Variants in PRKCE observed in about 807,000 individuals in gnomAD.
PRKCE encodes the protein protein kinase C epsilon.
In PRKCE, 16 loss-of-function variants were observed where a neutral mutation model predicts 85.4. That is an observed-to-expected ratio of 0.19 (90% CI 0.13 to 0.28). PRKCE has a LOEUF of 0.28. Among genes scored for constraint, PRKCE ranks in the 10% least tolerant of loss-of-function variants. The probability of loss-of-function intolerance (pLI) is 1.00; values close to 1 mark genes in which losing one functional copy is unlikely to be tolerated. For synonymous variants in PRKCE, 388 were observed against 371.5 expected (o/e 1.04, Z -0.51); for missense variants, 573 against 975.2 (o/e 0.59, Z 5.49).
intron 11 of PRKCE, among the ~76,000 whole-genome samples, chr2:46,108,575 C>A (rs7601378): frequency 0.71 from 107,465 of 152,090 alleles, 38,488 homozygotes; most frequent in East Asian, 0.94. Context: ...CCAGTGATGG[C>A]TGCACTGAAG....
chr2:46,157,270 G>A (rs1186214990), intron 13 of PRKCE, among the ~76,000 whole-genome samples: 1 of 152,182 alleles, frequency 6.6e-6, no homozygotes, highest in African/African-American at 2.4e-5. Context: ...ATGCCCAGCA[G>A]AGCTGGCCAC....
chr2:46,039,068 C>A lies in PRKCE; in HGVS notation c.1437+28551C>A, dbSNP rs562302805. Among the ~76,000 whole-genome samples the A allele has an allele frequency of 5.0e-4, 76 of 152,222 alleles. 1 individual carries two copies. Among genetic ancestry groups the A allele is most frequent in the Non-Finnish European group, 3.2e-4 (22 of 68,012 alleles). On this transcript the variant is annotated intron_variant, in intron 10 of 14. Coordinates refer to ENST00000306156, the MANE Select transcript of PRKCE (RefSeq NM_005400.3). ...TTTAATGGCTAACGTAGTTGAGACC[C>A]CACCTCTGCTCAAACTAGCTGGGCA...
intron 10 of PRKCE, among the ~76,000 whole-genome samples, chr2:46,057,384 G>C (rs1321128141): frequency 6.6e-6 from 1 of 151,938 alleles, no homozygotes; most frequent in Non-Finnish European, 1.5e-5. Flanking sequence ...AAAGTTATTG[G>C]TATAAAGTAT....
At chr2:45,732,414 C>A (rs1436345064) in intron 1 of PRKCE, among the ~76,000 whole-genome samples, 1 of 152,058 alleles carries the variant, frequency 6.6e-6, no homozygotes, top group Non-Finnish European at 1.5e-5. Context: ...TATCATATAA[C>A]CAGGAGCTTA....
At chr2:45,859,313 T>C (rs1692956071) in intron 2 of PRKCE, among the ~76,000 whole-genome samples, 1 of 152,322 alleles carries the variant, frequency 6.6e-6, no homozygotes, top group African/African-American at 2.4e-5. Context: ...TGTATCTATC[T>C]ATAGTTTCTC....
At chr2:45,918,099 G>T (rs994322205) in intron 2 of PRKCE, among the ~76,000 whole-genome samples, 1 of 152,258 alleles carries the variant, frequency 6.6e-6, no homozygotes, top group African/African-American at 2.4e-5. Flanking sequence ...CTCCGGCCTT[G>T]GCCAGCCCAG....
chr2:46,038,093 G>C (rs972390932), intron 10 of PRKCE, among the ~76,000 whole-genome samples: 2 of 152,180 alleles, frequency 1.3e-5, no homozygotes, highest in African/African-American at 2.4e-5. Flanking sequence ...TGAAGAAGGA[G>C]AGCAGTTGAG....
chr2:45,824,973 G>A (rs891263674), intron 1 of PRKCE, among the ~76,000 whole-genome samples: 3 of 152,186 alleles, frequency 2.0e-5, no homozygotes, highest in Non-Finnish European at 4.4e-5. Flanking sequence ...TTGGGTGGTG[G>A]GAACCGGGAA....
intron 11 of PRKCE, among the ~76,000 whole-genome samples, chr2:46,140,416 A>G (rs189193372): frequency 1.2e-4 from 18 of 152,314 alleles, no homozygotes; most frequent in Admixed American, 9.8e-4. Flanking sequence ...TGGTATTTCA[A>G]TCAGTGAGGA....
intron 2 of PRKCE, among the ~76,000 whole-genome samples, chr2:45,860,452 C>T (rs1342137681): frequency 6.6e-6 from 1 of 152,174 alleles, no homozygotes; most frequent in East Asian, 1.9e-4. Flanking sequence ...GATGGGCTGG[C>T]ACTCCTCTGA....
chr2:45,759,075 T>C (rs955311808), intron 1 of PRKCE, among the ~76,000 whole-genome samples: 11 of 152,130 alleles, frequency 7.2e-5, no homozygotes, highest in Non-Finnish European at 1.5e-4. Flanking sequence ...TTATAGGTGA[T>C]TTTGAAGATG....
intron 1 of PRKCE, among the ~76,000 whole-genome samples, chr2:45,741,640 ATGTGCAAG>A: frequency 1.5e-5 from 2 of 136,464 alleles, no homozygotes; most frequent in African/African-American, 3.8e-5. Flanking sequence ...CGTTTTGGGC[ATGTGCAAG>A]TTTTGGGCCT....
intron 10 of PRKCE, among the ~76,000 whole-genome samples, chr2:46,011,499 C>A (rs1705669242): frequency 6.6e-6 from 1 of 152,144 alleles, no homozygotes; most frequent in Non-Finnish European, 1.5e-5. Context: ...CAGTGGTGAA[C>A]TAGACTAGTC....
At chr2:45,861,346 A>G (rs2105656850) in intron 2 of PRKCE, among the ~76,000 whole-genome samples, 1 of 152,330 alleles carries the variant, frequency 6.6e-6, no homozygotes, top group South Asian at 2.1e-4. Flanking sequence ...GTTATGCTGA[A>G]CACAGTGAAA....
rs551651203 is a variant in PRKCE, at chr2:46,075,188, G to A, written c.1438-11020G>A. On this transcript the variant is annotated intron_variant, in intron 10 of 14. Coordinates refer to ENST00000306156, the MANE Select transcript of PRKCE (RefSeq NM_005400.3). Reference sequence around the variant, plus strand: ...CCCGAGTAGCTGGGACTGTAGGCACGCACCACCACGCCCGGCTAACTTTTT... The same window carrying A: ...CCCGAGTAGCTGGGACTGTAGGCACACACCACCACGCCCGGCTAACTTTTT... Among the ~76,000 whole-genome samples, 3 of 151,996 alleles carry A rather than the reference G, an allele frequency of 2.0e-5. No homozygotes were observed. The East Asian group carries it at 5.9e-4, about 30-fold the overall frequency.
Position 46,004,363 on chromosome 2 carries a change from G to A in PRKCE, c.967-179G>A. 1.8e-6 allele frequency: 1 copy of A among 570,368 alleles called. No homozygotes were observed. The highest frequency in any genetic ancestry group is 1.9e-5 in the South Asian group (1 of 52,370). 35.3% of individuals were successfully genotyped at this position (570,368 alleles called of 1,614,324 possible). The stretch of plus-strand genomic sequence containing the variant: ...GTTCTTGCTCTGGTCAGACGTCACA[G>A]AGGGATCGAACTTCATTTTGGCTAC... On this transcript the variant is annotated intron_variant, in intron 7 of 14. Coordinates refer to ENST00000306156, the MANE Select transcript of PRKCE (RefSeq NM_005400.3). This position sits in a 1 kb window ranked among gnomAD's most constrained non-coding sequence, Gnocchi z 4.1.
chr2:46,026,909 C>T (rs112726703), intron 10 of PRKCE, among the ~76,000 whole-genome samples: 19 of 152,234 alleles, frequency 1.2e-4, no homozygotes, highest in African/African-American at 4.3e-4. Flanking sequence ...AGCAAGGGGC[C>T]GGGTGTGGTG....
At chr2:46,087,158 CTTTTT>C (rs66723838) in intron 11 of PRKCE, among the ~76,000 whole-genome samples, 1 of 147,746 alleles carries the variant, frequency 6.8e-6, no homozygotes, top group African/African-American at 2.5e-5. Context: ...CTATTCTATT[CTTTTT>C]TTTTTTTTAA....
chr2:45,680,204 C>T (rs1314859886), intron 1 of PRKCE, among the ~76,000 whole-genome samples: 1 of 152,184 alleles, frequency 6.6e-6, no homozygotes, highest in Non-Finnish European at 1.5e-5. Flanking sequence ...TGTTCTAAAC[C>T]TCCAGAGGTT....
Sources: gnomAD v4.1 joint callset for allele counts (sites outside exome capture counted in the v4.1 genomes callset) on GRCh38, gnomAD v4.1.1 for gene constraint, Gnocchi (gnomAD v3.1) non-coding constraint, MANE v1.5 for transcripts, NCBI Gene and HGNC (gene_info 2026-07-23, HGNC 2026-07-21) for gene names.